The following DENND5A variants were observed in gnomAD, a reference collection of about 807,000 sequenced individuals.
The protein encoded by DENND5A is DENN domain containing 5A, also known as DENN domain-containing protein 5A.
DENND5A carries 64 observed loss-of-function variants against 140.3 expected under a neutral mutation model. The ratio of observed to expected loss-of-function variants is 0.46; its 90% CI spans 0.37 to 0.56. The LOEUF (loss-of-function observed/expected upper bound fraction) is 0.56, where lower values mean the gene tolerates loss of function less well. DENND5A is among the 20% of genes least tolerant of loss of function. DENND5A has a pLI of 0.00. For synonymous variants in DENND5A, 605 were observed against 607.7 expected (o/e 1.00, Z 0.07); for missense variants, 1,292 against 1,593.8 (o/e 0.81, Z 3.22).
intron 1 of DENND5A, among the ~76,000 whole-genome samples, chr11:9,229,899 C>CT (rs71062816): frequency 0.22 from 14,219 of 65,024 alleles, 2,217 homozygotes; most frequent in Non-Finnish European, 0.23. Context: ...GCTCCCATTT[C>CT]TTTTTTTTTT....
intron 12 of DENND5A, among the ~76,000 whole-genome samples, chr11:9,156,312 G>A (rs1246207529): frequency 2.6e-5 from 4 of 152,112 alleles, no homozygotes; most frequent in Non-Finnish European, 2.9e-5. Context: ...CCAGGACTCA[G>A]AACAAAATGG....
At chr11:9,145,935 G>T in intron 16 of DENND5A, 120 bp from the exon 17 acceptor site, 2 of 1,085,356 alleles carry the variant, frequency 1.8e-6, no homozygotes, top group Non-Finnish European at 2.7e-6. Context: ...CTCAGCTCAA[G>T]CAGAGCCCTG....
chr11:9,187,894 G>C (rs900247474), intron 5 of DENND5A, among the ~76,000 whole-genome samples: 1 of 152,212 alleles, frequency 6.6e-6, no homozygotes, highest in African/African-American at 2.4e-5. Flanking sequence ...AAAGACGGCA[G>C]TAACTGATGA....
chr11:9,180,750 T>C lies in DENND5A; in HGVS notation c.1455+17A>G. 6.2e-7 allele frequency: 1 copy of C among 1,610,050 alleles called. No homozygotes were observed. The highest frequency in any genetic ancestry group is 8.5e-7 in the Non-Finnish European group (1 of 1,177,608). On this transcript the variant is annotated intron_variant, in intron 6 of 22. Transcript: ENST00000328194. ...AGCACAGATCACACGTGTCACAGAC[T>C]CATATACACATCTTACCTTTTCCAG...
chr11:9,181,385 T>C (rs1848726959), intron 5 of DENND5A, among the ~76,000 whole-genome samples: 1 of 152,178 alleles, frequency 6.6e-6, no homozygotes, highest in Non-Finnish European at 1.5e-5. Context: ...TTTTATAATG[T>C]CATAGATGTT....
chr11:9,197,761 G>A (rs1311562969), intron 4 of DENND5A, among the ~76,000 whole-genome samples: 1 of 152,010 alleles, frequency 6.6e-6, no homozygotes, highest in Non-Finnish European at 1.5e-5. Flanking sequence ...TTATTTATTT[G>A]TTTTTAAAAA....
intron 1 of DENND5A, among the ~76,000 whole-genome samples, chr11:9,210,518 GACC>G (rs1288459652): frequency 6.6e-6 from 1 of 152,024 alleles, no homozygotes; most frequent in Non-Finnish European, 1.5e-5. Context: ...GTTCTGTTTT[GACC>G]AAGCCAGAAA....
chr11:9,253,043 A>C (rs1851798904), intron 1 of DENND5A, among the ~76,000 whole-genome samples: 1 of 151,886 alleles, frequency 6.6e-6, no homozygotes, highest in South Asian at 2.1e-4. Context: ...TAGAGACCCG[A>C]GTCTCGCCAT....
intron 18 of DENND5A, among the ~76,000 whole-genome samples, chr11:9,144,775 C>A (rs1301457459): frequency 1.4e-5 from 2 of 146,810 alleles, no homozygotes; most frequent in Non-Finnish European, 3.0e-5. Context: ...GGTGACAGAG[C>A]AAGACTCCGT....
At chr11:9,215,043 G>A (rs576021215) in intron 1 of DENND5A, among the ~76,000 whole-genome samples, 1 of 152,136 alleles carries the variant, frequency 6.6e-6, no homozygotes, top group Admixed American at 6.5e-5. Context: ...CCACTTCTAA[G>A]TCCTCTTCCA....
At chr11:9,194,360 T>C (rs1340080816) in intron 4 of DENND5A, among the ~76,000 whole-genome samples, 2 of 151,894 alleles carry the variant, frequency 1.3e-5, no homozygotes, top group Non-Finnish European at 1.5e-5. Flanking sequence ...AGGTCAGGAG[T>C]TCGAGACCAG....
intron 1 of DENND5A, among the ~76,000 whole-genome samples, chr11:9,229,905 T>C (rs1037361830): frequency 3.0e-5 from 4 of 132,326 alleles, no homozygotes; most frequent in East Asian, 4.4e-4. Context: ...ATTTCTTTTT[T>C]TTTTTTTTTT....
intron 1 of DENND5A, among the ~76,000 whole-genome samples, chr11:9,221,971 A>G (rs974317116): frequency 6.6e-6 from 1 of 150,634 alleles, no homozygotes; most frequent in South Asian, 2.1e-4. Flanking sequence ...GTTGGCCAGG[A>G]TGGTCTTGAT....
intron 8 of DENND5A, 24 bp downstream of exon 8, chr11:9,178,108 T>A: frequency 6.7e-7 from 1 of 1,486,326 alleles, no homozygotes. Context: ...GAGGCCTGAA[T>A]GTACATTTCC....
chr11:9,258,992 G>T (rs1852072882), intron 1 of DENND5A, among the ~76,000 whole-genome samples: 2 of 152,066 alleles, frequency 1.3e-5, no homozygotes, highest in South Asian at 4.2e-4. Context: ...TGGGCGCAGT[G>T]GCTCACACCT....
At chr11:9,250,540 AAAAC>A (rs1255689578) in intron 1 of DENND5A, among the ~76,000 whole-genome samples, 2 of 152,170 alleles carry the variant, frequency 1.3e-5, no homozygotes, top group Non-Finnish European at 2.9e-5. Flanking sequence ...TAATTTTAAA[AAAAC>A]AAACAAACCT....
At chr11:9,220,864 G>A (rs1850283671) in intron 1 of DENND5A, among the ~76,000 whole-genome samples, 1 of 151,598 alleles carries the variant, frequency 6.6e-6, no homozygotes, top group African/African-American at 2.4e-5. Flanking sequence ...CTGCACTCCA[G>A]CTTGGGCGAC....
At position 9,170,631 on chromosome 11, in the gene DENND5A, T is replaced by C. The variant is rs1848338815; in HGVS notation, c.2053A>G (p.Asn685Asp). 1.2e-6 allele frequency: 2 copies of C among 1,613,964 alleles called. No homozygotes were observed. Residue 685 changes from asparagine to aspartate, a missense_variant, in exon 9 of 23, where the codon AAC becomes GAC. This residue lies in a region of DENND5A where 199 missense variants were observed against 189.1 expected (regional missense o/e 1.05). Coordinates refer to ENST00000328194, the MANE Select transcript of DENND5A (RefSeq NM_015213.4). ...GAATCCCTGGGGTTGACTCACTTGT[T>C]GCTGGCTGGCCCAGTGGAAAGTACA... ...SDVLSTGPAS[N>D]KWTKRNAPAQ...
intron 1 of DENND5A, among the ~76,000 whole-genome samples, chr11:9,213,601 AG>A (rs1849965458): frequency 6.6e-6 from 1 of 151,486 alleles, no homozygotes; most frequent in South Asian, 2.1e-4. Flanking sequence ...TGAGGTCAGG[AG>A]TTCAAGACCA....
Sources: allele counts gnomAD v4.1 joint callset (sites outside exome capture counted in the v4.1 genomes callset), GRCh38; gene constraint gnomAD v4.1.1; regional missense constraint gnomAD v4.1.1; transcripts MANE v1.5; gene names NCBI Gene and HGNC (gene_info 2026-07-23, HGNC 2026-07-21).